The following LRRIQ3 variants were observed in gnomAD, a reference collection of about 807,000 sequenced individuals.
LRRIQ3 encodes the protein leucine-rich repeat and IQ domain-containing protein 3.
LRRIQ3 carries 75 observed loss-of-function variants against 59.3 expected under a neutral mutation model. That is an observed-to-expected ratio of 1.26 (90% CI 1.05 to 1.53). The LOEUF (loss-of-function observed/expected upper bound fraction) is 1.53, where lower values mean the gene tolerates loss of function less well. Ranked by LOEUF, LRRIQ3 falls within the 40% of genes most tolerant of loss-of-function variation. The pLI is 0.00. For missense variants in LRRIQ3, 831 were observed against 710.0 expected (o/e 1.17, Z -1.94); for synonymous variants, 250 against 231.3 (o/e 1.08, Z -0.73).
At chr1:74,128,672 C>T (rs1437368378) in intron 4 of LRRIQ3, among the ~76,000 whole-genome samples, 1 of 152,016 alleles carries the variant, frequency 6.6e-6, no homozygotes, top group African/African-American at 2.4e-5. Flanking sequence ...TTATCAGTGT[C>T]TGGCCACTGA....
intron 5 of LRRIQ3, among the ~76,000 whole-genome samples, chr1:74,101,825 C>T (rs928816463): frequency 1.3e-5 from 2 of 151,964 alleles, no homozygotes; most frequent in African/African-American, 2.4e-5. Flanking sequence ...AACCAAACAC[C>T]GCATGTTCTC....
chr1:74,176,596 T>A (rs1226223091), intron 3 of LRRIQ3, among the ~76,000 whole-genome samples: 3 of 152,028 alleles, frequency 2.0e-5, no homozygotes, highest in Non-Finnish European at 4.4e-5. Context: ...AAGTTATATC[T>A]TTTATTATAA....
chr1:74,183,481 A>G lies in LRRIQ3; in HGVS notation c.204T>C (p.Leu68=), dbSNP rs1476517581. The G allele has an allele frequency of 8.1e-6, 13 of 1,607,878 alleles. No homozygotes were observed. Among genetic ancestry groups the G allele is most frequent in the African/African-American group, 1.3e-5 (1 of 74,630 alleles). Residue 68 remains leucine, a synonymous_variant, in exon 2 of 8, where the codon CTT becomes CTC. Transcript: ENST00000354431. The part of the protein sequence containing the change: ...SNNFITDIHP[L]QSCIKLIKLD... Reference sequence around the variant, plus strand: ...GTTTGATTAATTTTATACAACTTTGAAGTGGATGAATATCTGTAATAAAAT... The same window carrying G: ...GTTTGATTAATTTTATACAACTTTGGAGTGGATGAATATCTGTAATAAAAT...
intron 3 of LRRIQ3, among the ~76,000 whole-genome samples, chr1:74,172,120 GTTTC>G (rs1335887423): frequency 4.6e-5 from 7 of 151,864 alleles, no homozygotes; most frequent in East Asian, 3.9e-4. Context: ...CCTGATCTTT[GTTTC>G]TTTATTTCTG....
intron 7 of LRRIQ3, among the ~76,000 whole-genome samples, chr1:74,040,189 AAAG>A (rs1418149218): frequency 1.3e-5 from 2 of 152,220 alleles, no homozygotes; most frequent in Admixed American, 1.3e-4. Context: ...TCAGAAAGAC[AAAG>A]AAGGGCATTA....
Position 74,198,138 on chromosome 1 carries a change from T to C in LRRIQ3, c.-143A>G. On this transcript the variant is annotated 5_prime_UTR_variant, in exon 1 of 8. Transcript: ENST00000354431. Reference sequence around the variant, plus strand: ...AACATCCAAGTTCTCCACATCATGGTTTTCCGGGCGCCAGCCAAGGCGCTC... The same window carrying C: ...AACATCCAAGTTCTCCACATCATGGCTTTCCGGGCGCCAGCCAAGGCGCTC... 1 of 1,475,898 alleles carries C rather than the reference T, an allele frequency of 6.8e-7. No individual in the cohort carries two copies. The highest frequency in any genetic ancestry group is 1.4e-5 in the South Asian group (1 of 73,814). 91.4% of individuals were successfully genotyped at this position (1,475,898 alleles called of 1,614,324 possible).
At chr1:74,089,800 C>T (rs1305943776) in intron 5 of LRRIQ3, among the ~76,000 whole-genome samples, 1 of 151,916 alleles carries the variant, frequency 6.6e-6, no homozygotes, top group African/African-American at 2.4e-5. Flanking sequence ...GGACTGGACA[C>T]TTAAAATGTT....
intron 3 of LRRIQ3, among the ~76,000 whole-genome samples, chr1:74,179,592 C>T (rs1649855347): frequency 2.0e-5 from 3 of 151,844 alleles, no homozygotes; most frequent in Admixed American, 2.0e-4. Context: ...ATAATTATCT[C>T]CATCGGTTCA....
At chr1:74,126,100 G>T (rs1389823852) in intron 4 of LRRIQ3, among the ~76,000 whole-genome samples, 1 of 151,554 alleles carries the variant, frequency 6.6e-6, no homozygotes, top group Non-Finnish European at 1.5e-5. Context: ...TGTGTATAAG[G>T]ATTTATTCAT....
intron 4 of LRRIQ3, among the ~76,000 whole-genome samples, chr1:74,120,334 T>A (rs1570148931): frequency 6.6e-6 from 1 of 152,184 alleles, no homozygotes; most frequent in African/African-American, 2.4e-5. Flanking sequence ...GCCAGGATGG[T>A]CTTGATCTCT....
Position 74,105,114 on chromosome 1 carries a change from A to G in LRRIQ3, c.867+4280T>C, listed in dbSNP as rs919238995. ...AACGTTTTTATTTTGTAAATAAAACATATTTGAATTTTTAAAAAGATGTAT... is the reference window on the plus strand; with the variant it reads ...AACGTTTTTATTTTGTAAATAAAACGTATTTGAATTTTTAAAAAGATGTAT... On this transcript the variant is annotated intron_variant, in intron 5 of 7. Coordinates refer to ENST00000354431, the MANE Select transcript of LRRIQ3 (RefSeq NM_001105659.2). Among the ~76,000 whole-genome samples, 6 of 152,152 alleles carry G rather than the reference A, an allele frequency of 3.9e-5. No homozygotes were observed. The Middle Eastern group carries it at 0.014, about 345-fold the overall frequency.
At chr1:74,054,764 A>ATATATC (rs1282233588) in intron 6 of LRRIQ3, among the ~76,000 whole-genome samples, 11 of 147,768 alleles carry the variant, frequency 7.4e-5, no homozygotes, top group South Asian at 2.1e-4. Flanking sequence ...ATATCTATAT[A>ATATATC]TCTACATACA....
intron 1 of LRRIQ3, among the ~76,000 whole-genome samples, chr1:74,188,963 C>T (rs113237208): frequency 5.9e-5 from 9 of 152,174 alleles, no homozygotes; most frequent in African/African-American, 2.2e-4. Flanking sequence ...CAAATCACTC[C>T]AAAATTTATT....
intron 6 of LRRIQ3, among the ~76,000 whole-genome samples, chr1:74,062,585 T>C (rs1164066632): frequency 6.6e-6 from 1 of 152,026 alleles, no homozygotes; most frequent in Non-Finnish European, 1.5e-5. Context: ...AGAATCAACC[T>C]TAATGTCCAT....
chr1:74,181,099 C>A, intron 3 of LRRIQ3: 1 of 286,818 alleles, frequency 3.5e-6, no homozygotes, highest in Non-Finnish European at 6.6e-6. Flanking sequence ...TCAGTATATA[C>A]TTGGTGAAAG....
chr1:74,028,597 T>C (rs1384100517), intron 7 of LRRIQ3, among the ~76,000 whole-genome samples: 2 of 151,976 alleles, frequency 1.3e-5, no homozygotes, highest in African/African-American at 4.8e-5. Context: ...GGGTGTTGAA[T>C]ATAGAGAAGT....
At chr1:74,101,186 T>C (rs1357933611) in intron 5 of LRRIQ3, among the ~76,000 whole-genome samples, 2 of 152,040 alleles carry the variant, frequency 1.3e-5, no homozygotes, top group African/African-American at 4.8e-5. Context: ...AACCAGAATC[T>C]ACAAAGCACT....
intron 4 of LRRIQ3, among the ~76,000 whole-genome samples, chr1:74,127,085 C>T (rs915753012): frequency 6.6e-6 from 1 of 151,970 alleles, no homozygotes; most frequent in East Asian, 1.9e-4. Context: ...CTGAATTGAC[C>T]TCTGTACCAT....
chr1:74,080,098 T>A (rs1197706817), intron 5 of LRRIQ3, among the ~76,000 whole-genome samples: 1 of 151,730 alleles, frequency 6.6e-6, no homozygotes, highest in Admixed American at 6.6e-5. Flanking sequence ...AACATAAACA[T>A]GTGGTAAGAA....
Sources: allele counts gnomAD v4.1 joint callset (sites outside exome capture counted in the v4.1 genomes callset), GRCh38; gene constraint gnomAD v4.1.1; transcripts MANE v1.5; gene names NCBI Gene and HGNC (gene_info 2026-07-23, HGNC 2026-07-21).